Variants in TFCP2 observed in about 807,000 individuals in gnomAD.
TFCP2 encodes the protein alpha-globin transcription factor CP2.
TFCP2 carries 33 observed loss-of-function variants against 73.4 expected under a neutral mutation model. The ratio of observed to expected loss-of-function variants is 0.45; its 90% CI spans 0.34 to 0.60. TFCP2 has a LOEUF of 0.60. TFCP2 is among the 20% of genes least tolerant of loss of function. The pLI, the probability that TFCP2 is intolerant of heterozygous loss-of-function variation, is 0.01. For missense variants in TFCP2, 352 were observed against 604.0 expected (o/e 0.58, Z 4.37); for synonymous variants, 193 against 211.6 (o/e 0.91, Z 0.76).
chr12:51,153,927 T>G (rs1272199387), intron 1 of TFCP2, among the ~76,000 whole-genome samples: 1 of 152,238 alleles, frequency 6.6e-6, no homozygotes, highest in African/African-American at 2.4e-5. Context: ...AATTCTACAT[T>G]TAATTTTTTT....
chr12:51,157,966 C>G (rs1380254759), intron 1 of TFCP2, among the ~76,000 whole-genome samples: 2 of 152,024 alleles, frequency 1.3e-5, no homozygotes, highest in Non-Finnish European at 2.9e-5. Flanking sequence ...GCATAAACCA[C>G]TGCACCCGAC....
At chr12:51,150,157 C>T (rs1941390595) in intron 1 of TFCP2, among the ~76,000 whole-genome samples, 1 of 152,142 alleles carries the variant, frequency 6.6e-6, no homozygotes, top group African/African-American at 2.4e-5. Context: ...GTGGCTCACG[C>T]CTGTAATCCC....
chr12:51,150,205 G>T (rs909816124), intron 1 of TFCP2, among the ~76,000 whole-genome samples: 2 of 152,108 alleles, frequency 1.3e-5, no homozygotes, highest in Non-Finnish European at 2.9e-5. Flanking sequence ...ATCACCTGAG[G>T]TCAGGAGTTT....
At chr12:51,151,986 T>A (rs1421946173) in intron 1 of TFCP2, among the ~76,000 whole-genome samples, 3 of 152,176 alleles carry the variant, frequency 2.0e-5, no homozygotes, top group African/African-American at 4.8e-5. Context: ...ATCATAAAGA[T>A]AACTGATTAG....
chr12:51,104,169 G>C lies in TFCP2; in HGVS notation c.952C>G (p.Pro318Ala), dbSNP rs376607235. 60 of 1,614,072 alleles carry C rather than the reference G, an allele frequency of 3.7e-5. No homozygotes were observed. The East Asian group carries it at 1.2e-3, about 31-fold the overall frequency. ...TTTAGACTTACATCTGTGACTGGAG[G>C]GGGTGGCTCTGGCTGGTGGTTTGGT... ...GSPNHQPEPP[P>A]PVTDNLLPTT... Residue 318 changes from proline (P) to alanine (A), a missense_variant, in exon 9 of 15, where the codon CCT becomes GCT. Transcript: ENST00000257915.
At chr12:51,168,280 C>A (rs1941794140) in intron 1 of TFCP2, among the ~76,000 whole-genome samples, 1 of 151,954 alleles carries the variant, frequency 6.6e-6, no homozygotes, top group Non-Finnish European at 1.5e-5. Flanking sequence ...ACTGTACCCC[C>A]AGGTGCACTC....
At chr12:51,112,486 G>T (rs1940425364) in intron 4 of TFCP2, among the ~76,000 whole-genome samples, 1 of 152,210 alleles carries the variant, frequency 6.6e-6, no homozygotes, top group South Asian at 2.1e-4. Flanking sequence ...CACATTAAGA[G>T]TATTGCTATT....
intron 1 of TFCP2, among the ~76,000 whole-genome samples, chr12:51,172,026 T>C (rs930520115): frequency 6.6e-6 from 1 of 152,188 alleles, no homozygotes; most frequent in African/African-American, 2.4e-5. Context: ...GTCTCCCACA[T>C]TGGCACAAAA....
At chr12:51,114,231 T>C (rs1272887557) in intron 4 of TFCP2, among the ~76,000 whole-genome samples, 2 of 152,166 alleles carry the variant, frequency 1.3e-5, no homozygotes, top group African/African-American at 2.4e-5. Context: ...AAAAATTCTT[T>C]CAACTCAATA....
chr12:51,116,441 C>A, intron 3 of TFCP2, 21 bp from the exon 4 acceptor site: 1 of 1,408,896 alleles, frequency 7.1e-7, no homozygotes, highest in South Asian at 1.3e-5. Flanking sequence ...ACAACAAAAT[C>A]AGATGATAAC....
At chr12:51,098,712 C>T in intron 13 of TFCP2, 64 bp downstream of exon 13, 1 of 1,575,940 alleles carries the variant, frequency 6.3e-7, no homozygotes, top group Admixed American at 1.7e-5. Context: ...AGGAGAACTG[C>T]TCTTGCTCCA....
chr12:51,110,287 G>A (rs1046716954), intron 5 of TFCP2, among the ~76,000 whole-genome samples: 8 of 152,068 alleles, frequency 5.3e-5, no homozygotes, highest in African/African-American at 1.9e-4. Flanking sequence ...GGCCAATCAA[G>A]GCCGGGCATG....
chr12:51,121,558 C>T (rs568200354), intron 1 of TFCP2, among the ~76,000 whole-genome samples: 118 of 150,792 alleles, frequency 7.8e-4, no homozygotes, highest in African/African-American at 2.3e-3. Context: ...CTCCACCTCC[C>T]GGGTTCAAGT....
chr12:51,099,636 T>C lies in TFCP2; in HGVS notation c.1276+19A>G. On this transcript the variant is annotated intron_variant, in intron 12 of 14. Coordinates refer to ENST00000257915, the MANE Select transcript of TFCP2 (RefSeq NM_005653.5). ...TCACCTTTCTTCATATCTGTCCTAG[T>C]GTGTCCAGAACAACCTACCGAAGAA... 2 of 1,614,122 alleles carry C rather than the reference T, an allele frequency of 1.2e-6. No homozygotes were observed. The highest frequency in any genetic ancestry group is 2.2e-5 in the East Asian group (1 of 44,888).
intron 1 of TFCP2, among the ~76,000 whole-genome samples, chr12:51,159,245 G>A (rs1376172428): frequency 6.6e-6 from 1 of 151,838 alleles, no homozygotes; most frequent in Non-Finnish European, 1.5e-5. Context: ...GGTAGTGGGG[G>A]AATTTGCAAC....
intron 1 of TFCP2, among the ~76,000 whole-genome samples, chr12:51,128,545 T>C (rs553639516): frequency 2.6e-5 from 4 of 151,692 alleles, no homozygotes; most frequent in Non-Finnish European, 5.9e-5. Flanking sequence ...CCAAACTCCA[T>C]TTTCCTTTTT....
At chr12:51,098,469 T>C (rs530241807) in intron 13 of TFCP2, among the ~76,000 whole-genome samples, 1 of 90,416 alleles carries the variant, frequency 1.1e-5, no homozygotes, top group African/African-American at 3.9e-5. Flanking sequence ...CTACTAAAAA[T>C]ACAAAAATTA....
intron 4 of TFCP2, among the ~76,000 whole-genome samples, chr12:51,112,553 A>G (rs1940427499): frequency 6.6e-6 from 1 of 152,174 alleles, no homozygotes; most frequent in South Asian, 2.1e-4. Context: ...CATGAATGAA[A>G]GTGGGAAAAT....
intron 1 of TFCP2, among the ~76,000 whole-genome samples, chr12:51,145,719 G>T (rs1384307034): frequency 6.6e-6 from 1 of 151,764 alleles, no homozygotes; most frequent in Non-Finnish European, 1.5e-5. Flanking sequence ...GTAGGTCAAG[G>T]TGGGAGAACT....
Sources: allele counts gnomAD v4.1 joint callset (sites outside exome capture counted in the v4.1 genomes callset), GRCh38; gene constraint gnomAD v4.1.1; transcripts MANE v1.5; gene names NCBI Gene and HGNC (gene_info 2026-07-23, HGNC 2026-07-21).